PITPNC1: variants seen among roughly 807,000 people sequenced by gnomAD.
The protein encoded by PITPNC1 is phosphatidylinositol transfer protein cytoplasmic 1.
A neutral mutation model predicts 44.7 loss-of-function variants in PITPNC1; 18 were observed. The ratio of observed to expected loss-of-function variants is 0.40; its 90% CI spans 0.28 to 0.60. The LOEUF (loss-of-function observed/expected upper bound fraction) is 0.60, where lower values mean the gene tolerates loss of function less well. Ranked by LOEUF, PITPNC1 falls within the 20% of genes least tolerant of loss-of-function variation. PITPNC1 has a pLI of 0.39. For synonymous variants in PITPNC1, 141 were observed against 149.6 expected, an observed-to-expected ratio of 0.94 and a Z score of 0.42; for missense variants, 290 against 418.4, an observed-to-expected ratio of 0.69 and a Z score of 2.68.
intron 2 of PITPNC1, among the ~76,000 whole-genome samples, chr17:67,543,973 C>A (rs1232618754): frequency 6.6e-6 from 1 of 152,188 alleles, no homozygotes; most frequent in South Asian, 2.1e-4. Flanking sequence ...GCCTCAGCCT[C>A]CTGAGTAGCT....
intron 1 of PITPNC1, among the ~76,000 whole-genome samples, chr17:67,509,592 AAATAAAT>A (rs2040154179): frequency 4.6e-5 from 7 of 150,680 alleles, no homozygotes; most frequent in Non-Finnish European, 7.4e-5. Flanking sequence ...ATAAATAAAT[AAATAAAT>A]AAAACGTGTT....
At chr17:67,599,034 A>ATATATATATATTTTT (rs1461493250) in intron 5 of PITPNC1, among the ~76,000 whole-genome samples, 4 of 35,672 alleles carry the variant, frequency 1.1e-4, no homozygotes, top group Admixed American at 3.9e-4. Flanking sequence ...ATATATATAT[A>ATATATATATATTTTT]TTTTTTTTTT....
intron 5 of PITPNC1, among the ~76,000 whole-genome samples, chr17:67,593,296 CTTT>C (rs922424785): frequency 7.2e-6 from 1 of 138,268 alleles, no homozygotes; most frequent in Non-Finnish European, 1.6e-5. Context: ...GAAATTTTCT[CTTT>C]TTTTTTTTTT....
chr17:67,422,229 A>C (rs2038681012), intron 1 of PITPNC1, among the ~76,000 whole-genome samples: 2 of 152,206 alleles, frequency 1.3e-5, no homozygotes, highest in African/African-American at 4.8e-5. Flanking sequence ...AAGGAAGGCT[A>C]TTAATACATT....
chr17:67,518,742 G>A lies in PITPNC1; in HGVS notation c.49-14060G>A, dbSNP rs9905812. Among the ~76,000 whole-genome samples, 628 of 152,286 alleles carry A rather than the reference G, an allele frequency of 4.1e-3. 2 individuals carry two copies. The highest frequency in any genetic ancestry group is 0.014 in the African/African-American group (576 of 41,568). ...TTGGGAGGCTGAGGCAGGAGGATCA[G>A]TTGAGACTAGCCTGGGCAACATTGC... On this transcript the variant is annotated intron_variant, in intron 1 of 8. Transcript: ENST00000581322.
intron 1 of PITPNC1, among the ~76,000 whole-genome samples, chr17:67,520,220 G>T (rs1265180836): frequency 6.6e-6 from 1 of 152,130 alleles, no homozygotes; most frequent in African/African-American, 2.4e-5. Context: ...TGCTACCTTG[G>T]TAGTGGATGG....
intron 1 of PITPNC1, among the ~76,000 whole-genome samples, chr17:67,468,441 G>A (rs1336091485): frequency 1.6e-5 from 2 of 127,118 alleles, no homozygotes; most frequent in African/African-American, 2.9e-5. Context: ...TCACTCTGCC[G>A]CCCAGGCTGG....
intron 4 of PITPNC1, among the ~76,000 whole-genome samples, chr17:67,567,298 A>T (rs1004107512): frequency 6.6e-6 from 1 of 152,020 alleles, no homozygotes; most frequent in Non-Finnish European, 1.5e-5. Flanking sequence ...ATCCTGGCTA[A>T]CATGGTAAAC....
chr17:67,567,234 C>T (rs1417136413), intron 4 of PITPNC1, among the ~76,000 whole-genome samples: 1 of 152,110 alleles, frequency 6.6e-6, no homozygotes, highest in African/African-American at 2.4e-5. Context: ...GCCTGTAATC[C>T]CAGCACTTTG....
intron 1 of PITPNC1, among the ~76,000 whole-genome samples, chr17:67,435,491 T>G (rs542230397): frequency 1.2e-3 from 182 of 152,238 alleles, no homozygotes; most frequent in African/African-American, 4.2e-3. Context: ...TGAGACAAAC[T>G]CCTGCCCCCA....
intron 6 of PITPNC1, among the ~76,000 whole-genome samples, chr17:67,648,374 G>A (rs1355451944): frequency 6.6e-6 from 1 of 152,222 alleles, no homozygotes; most frequent in Non-Finnish European, 1.5e-5. Context: ...ACAGCCTCAA[G>A]TTCAAAGGCT....
intron 5 of PITPNC1, among the ~76,000 whole-genome samples, chr17:67,587,614 G>A (rs1241754689): frequency 4.6e-5 from 7 of 152,324 alleles, no homozygotes; most frequent in African/African-American, 2.4e-5. Context: ...GATGCTCCGA[G>A]ATAGAGATTG....
At chr17:67,646,955 C>T (rs1038006399) in intron 6 of PITPNC1, among the ~76,000 whole-genome samples, 16 of 152,216 alleles carry the variant, frequency 1.1e-4, no homozygotes, top group Non-Finnish European at 1.8e-4. Flanking sequence ...TATGCTTCCC[C>T]TACACCAAGT....
intron 1 of PITPNC1, among the ~76,000 whole-genome samples, chr17:67,438,174 G>A (rs1264552374): frequency 1.3e-5 from 2 of 152,250 alleles, no homozygotes; most frequent in African/African-American, 4.8e-5. Flanking sequence ...CCCTAGCCAT[G>A]AACGTTGTAA....
rs528132356 is a variant in PITPNC1 at position 67,400,701 on chromosome 17, T to C, written c.48+22499T>C. ...CTAAAAATAACCCTTCTTTTCCTAA[T>C]GTGATTCTTCTTATAGCTGATGTAC... On this transcript the variant is annotated intron_variant, in intron 1 of 8. Coordinates refer to ENST00000581322, the MANE Select transcript of PITPNC1 (RefSeq NM_012417.4). 2.6e-5 allele frequency among the ~76,000 whole-genome samples: 4 copies of C among 152,054 alleles called. No individual in the cohort carries two copies. In the South Asian group the frequency reaches 6.2e-4, roughly 24 times the overall value.
At chr17:67,458,754 GTTAT>G (rs1442690504) in intron 1 of PITPNC1, among the ~76,000 whole-genome samples, 1 of 152,092 alleles carries the variant, frequency 6.6e-6, no homozygotes, top group Non-Finnish European at 1.5e-5. Context: ...TTTAGTGGGG[GTTAT>G]TTTTTTTCCG....
rs1044341762 is a variant in PITPNC1, at chr17:67,694,562, T to G, written c.*1674T>G. 1.3e-5 allele frequency: 2 copies of G among 152,188 alleles called. No homozygotes were observed. The highest frequency in any genetic ancestry group is 2.9e-5 in the Non-Finnish European group (2 of 68,036). The allele number at this position is 152,188 out of a possible 1,614,324, so 9.4% of individuals were successfully genotyped here. ...CCATGAGCCCAGCACCAAAGTTTTC[T>G]AAGTCATAGGTCAGACTGTCAAGAT... On this transcript the variant is annotated 3_prime_UTR_variant, in exon 9 of 9. Coordinates refer to ENST00000581322, the MANE Select transcript of PITPNC1 (RefSeq NM_012417.4).
At position 67,680,038 on chromosome 17, in the gene PITPNC1, T is replaced by C. The variant is rs2042673576; in HGVS notation, c.682+4496T>C. Among the ~76,000 whole-genome samples, 4 of 152,242 alleles carry C rather than the reference T, an allele frequency of 2.6e-5. No homozygotes were observed. In the South Asian group the frequency reaches 6.2e-4, roughly 24 times the overall value. ...GGCTGCTGTAGACGACACTACCTCA[T>C]GAAAGTGACTTAGAAATCAGCCTGG... On this transcript the variant is annotated intron_variant, in intron 8 of 8. Transcript: ENST00000581322.
At chr17:67,378,642 C>G (rs1442250611) in intron 1 of PITPNC1, among the ~76,000 whole-genome samples, 1 of 152,086 alleles carries the variant, frequency 6.6e-6, no homozygotes, top group Non-Finnish European at 1.5e-5. Flanking sequence ...GCCCTGCGCC[C>G]TCGGGATCTG....
Sources: gnomAD v4.1 joint callset for allele counts (sites outside exome capture counted in the v4.1 genomes callset) on GRCh38, gnomAD v4.1.1 for gene constraint, MANE v1.5 for transcripts, NCBI Gene and HGNC (gene_info 2026-07-23, HGNC 2026-07-21) for gene names.